The following GOT2 variants were observed in gnomAD, a reference collection of about 807,000 sequenced individuals.
GOT2 encodes glutamic-oxaloacetic transaminase 2.
GOT2 carries 17 observed loss-of-function variants against 50.0 expected under a neutral mutation model. The ratio of observed to expected loss-of-function variants is 0.34; its 90% confidence interval spans 0.23 to 0.51. GOT2 has a LOEUF of 0.51. Among genes scored for constraint, GOT2 ranks in the 20% least tolerant of loss-of-function variants. The pLI, the probability that GOT2 is intolerant of heterozygous loss-of-function variation, is 0.97. For missense variants in GOT2, 430 were observed against 559.6 expected, an observed-to-expected ratio of 0.77 and a Z score of 2.34; for synonymous variants, 172 against 204.9, an observed-to-expected ratio of 0.84 and a Z score of 1.37.
chr16:58,709,606 G>A (rs752070118), intron 8 of GOT2, 39 bp from the exon 9 acceptor site: 10 of 1,573,024 alleles, frequency 6.4e-6, no homozygotes, highest in Non-Finnish European at 8.7e-6. Flanking sequence ...TTCTGCCTAA[G>A]CACTGACCGA....
At chr16:58,728,421 C>T (rs1329243965) in intron 1 of GOT2, among the ~76,000 whole-genome samples, 1 of 152,196 alleles carries the variant, frequency 6.6e-6, no homozygotes, top group African/African-American at 2.4e-5. Flanking sequence ...GGCAGAGTGC[C>T]TGATGTTCGC....
At chr16:58,727,645 A>T (rs2152098074) in intron 1 of GOT2, among the ~76,000 whole-genome samples, 1 of 152,246 alleles carries the variant, frequency 6.6e-6, no homozygotes, top group Middle Eastern at 3.4e-3. Context: ...TTATTATGGG[A>T]TATTACTTAT....
rs111451227 is a variant in GOT2 at position 58,710,022 on chromosome 16, C to T, written c.1020-455G>A. Among the ~76,000 whole-genome samples, 188 of 152,136 alleles carry T rather than the reference C, an allele frequency of 1.2e-3. 1 individual carries two copies. Among genetic ancestry groups the T allele is most frequent in the African/African-American group, 4.4e-3 (181 of 41,490 alleles). On this transcript the variant is annotated intron_variant, in intron 8 of 9. Coordinates refer to ENST00000245206, the MANE Select transcript of GOT2 (RefSeq NM_002080.4). The stretch of plus-strand genomic sequence containing the variant: ...CTGTTCTGAGCATGTTTAAAGTATG[C>T]TAGGGTAAGCTATGATGTTTGGTAG...
intron 1 of GOT2, among the ~76,000 whole-genome samples, chr16:58,733,009 G>C (rs889430635): frequency 6.6e-6 from 1 of 152,346 alleles, no homozygotes; most frequent in East Asian, 1.9e-4. Context: ...CCTTGGAAAG[G>C]ACAGATAGTT....
At chr16:58,732,694 G>A (rs1386676830) in intron 1 of GOT2, among the ~76,000 whole-genome samples, 1 of 152,178 alleles carries the variant, frequency 6.6e-6, no homozygotes, top group Non-Finnish European at 1.5e-5. Context: ...CAAACTGAAA[G>A]AATGACTAAC....
intron 3 of GOT2, among the ~76,000 whole-genome samples, chr16:58,720,770 G>T (rs909802874): frequency 2.7e-5 from 4 of 149,584 alleles, no homozygotes; most frequent in South Asian, 4.2e-4. Flanking sequence ...GTAGAGACGG[G>T]GGGGCGGGTC....
intron 1 of GOT2, among the ~76,000 whole-genome samples, chr16:58,727,529 C>T (rs2044797330): frequency 6.6e-6 from 1 of 152,130 alleles, no homozygotes; most frequent in African/African-American, 2.4e-5. Context: ...AACACAATCC[C>T]TTACCACCTG....
chr16:58,710,985 A>AG (rs2044643296), intron 8 of GOT2, among the ~76,000 whole-genome samples: 2 of 151,408 alleles, frequency 1.3e-5, no homozygotes, highest in African/African-American at 4.9e-5. Flanking sequence ...AAAAAAAAAA[A>AG]AAAGAAAAGT....
intron 3 of GOT2, among the ~76,000 whole-genome samples, chr16:58,720,869 A>G (rs764173958): frequency 3.0e-4 from 45 of 152,276 alleles, no homozygotes; most frequent in Non-Finnish European, 5.6e-4. Flanking sequence ...TACAGGAGTG[A>G]GCCACTGCGC....
At chr16:58,717,976 C>A (rs369342373) in intron 6 of GOT2, among the ~76,000 whole-genome samples, 1 of 152,196 alleles carries the variant, frequency 6.6e-6, no homozygotes, top group African/African-American at 2.4e-5. Flanking sequence ...CGTGAGCCAC[C>A]GCGCCCAGCC....
In GOT2 at chr16:58,726,690, C is replaced by A. The variant is rs191545231; in HGVS notation, c.90-2788G>T. Among the ~76,000 whole-genome samples the A allele has an allele frequency of 1.4e-3, 209 of 150,246 alleles. 2 individuals carry two copies. The highest frequency in any genetic ancestry group is 4.1e-4 in the Non-Finnish European group (28 of 67,608). ...TATTTTTAGTAGAGACAAGGTTTCACCCTGTTGGTCAGGTCTCTACCTCCT... is the reference window on the plus strand; with the variant it reads ...TATTTTTAGTAGAGACAAGGTTTCAACCTGTTGGTCAGGTCTCTACCTCCT... On this transcript the variant is annotated intron_variant, in intron 1 of 9. Transcript: ENST00000245206.
chr16:58,723,690 C>T, intron 2 of GOT2, 56 bp downstream of exon 2: 1 of 1,446,528 alleles, frequency 6.9e-7, no homozygotes, highest in South Asian at 1.2e-5. Context: ...TGCCACTCTC[C>T]AGGGCTCTCT....
At position 58,708,120 on chromosome 16, in the gene GOT2, A is replaced by G. The variant is rs770075596; in HGVS notation, c.*51T>C. The G allele has an allele frequency of 2.5e-6, 4 of 1,589,664 alleles. No individual in the cohort carries two copies. The highest frequency in any genetic ancestry group is 1.8e-4 in the Middle Eastern group (1 of 5,494). ...TCATTGTCTGTGTGAAGCTCTCAAT[A>G]GCAGAGGCTGAAGACAGAAAGGTTG... On this transcript the variant is annotated 3_prime_UTR_variant, in exon 10 of 10. Coordinates refer to ENST00000245206, the MANE Select transcript of GOT2 (RefSeq NM_002080.4).
At chr16:58,712,480 C>T (rs372349340) in intron 8 of GOT2, among the ~76,000 whole-genome samples, 7 of 152,262 alleles carry the variant, frequency 4.6e-5, no homozygotes, top group South Asian at 2.1e-4. Flanking sequence ...CACTGCACTC[C>T]GGCCTGGGCC....
At chr16:58,719,922 C>T (rs1040997020) in intron 3 of GOT2, among the ~76,000 whole-genome samples, 2 of 152,102 alleles carry the variant, frequency 1.3e-5, no homozygotes, top group Non-Finnish European at 2.9e-5. Flanking sequence ...GGTTTTCTGG[C>T]CGGGCGCAGT....
Position 58,734,137 on chromosome 16 carries a change from T to C in GOT2, c.89+3A>G, listed in dbSNP as rs1333862276. 2 of 1,321,844 alleles carry C rather than the reference T, an allele frequency of 1.5e-6. No individual in the cohort carries two copies. Among genetic ancestry groups the C allele is most frequent in the African/African-American group, 3.0e-5 (2 of 66,420 alleles). 81.9% of individuals were successfully genotyped at this position (1,321,844 alleles called of 1,614,324 possible). ...GGCTCCATCTCCGTTTCCCTTGGCT[T>C]ACCTGGCTCTGGCAGAGGCCGCGGC... On this transcript the variant is annotated splice_donor_region_variant and intron_variant, in intron 1 of 9. Coordinates refer to ENST00000245206, the MANE Select transcript of GOT2 (RefSeq NM_002080.4).
intron 8 of GOT2, among the ~76,000 whole-genome samples, chr16:58,709,956 G>A (rs1484355977): frequency 2.0e-5 from 3 of 152,138 alleles, no homozygotes; most frequent in Admixed American, 1.3e-4. Context: ...GTTATAAAAT[G>A]GCTTTGTGTT....
At chr16:58,721,988 C>T in intron 3 of GOT2, 162 bp downstream of exon 3, 1 of 587,866 alleles carries the variant, frequency 1.7e-6, no homozygotes, top group Non-Finnish European at 3.0e-6. Flanking sequence ...CCATGTTAAT[C>T]AGGCTGGTCT....
chr16:58,709,378 G>T lies in GOT2; in HGVS notation c.1170+39C>A, dbSNP rs570861442. 2.0e-6 allele frequency: 3 copies of T among 1,528,016 alleles called. No homozygotes were observed. The East Asian group carries it at 6.9e-5, about 35-fold the overall frequency. 94.7% of individuals were successfully genotyped at this position (1,528,016 alleles called of 1,614,324 possible). A position where few individuals can be genotyped will look rare whatever the true frequency, so the allele number is the denominator to read the frequency against. On this transcript the variant is annotated intron_variant, in intron 9 of 9. Coordinates refer to ENST00000245206, the MANE Select transcript of GOT2 (RefSeq NM_002080.4). ...GTAATCCTTCGGGTTTGCAAAGACT[G>T]ATCAGCTGGTCTGCTGCAGAGAAAT...
Sources: allele counts gnomAD v4.1 joint callset (sites outside exome capture counted in the v4.1 genomes callset), GRCh38; gene constraint gnomAD v4.1.1; transcripts MANE v1.5; gene names NCBI Gene and HGNC (gene_info 2026-07-23, HGNC 2026-07-21).